Variants in LIMD1 observed in about 807,000 individuals in gnomAD.
LIMD1 encodes the protein LIM domain-containing protein 1.
In LIMD1, 23 loss-of-function variants were observed where a neutral mutation model predicts 58.4. The ratio of observed to expected loss-of-function variants is 0.39; its 90% CI spans 0.28 to 0.56. The LOEUF (loss-of-function observed/expected upper bound fraction) is 0.56. Among genes scored for constraint, LIMD1 ranks in the 20% least tolerant of loss-of-function variants. The pLI, the probability that LIMD1 is intolerant of heterozygous loss-of-function variation, is 0.57. For synonymous variants in LIMD1, 334 were observed against 345.5 expected, an observed-to-expected ratio of 0.97 and a Z score of 0.37; for missense variants, 838 against 855.5, an observed-to-expected ratio of 0.98 and a Z score of 0.25.
intron 2 of LIMD1, among the ~76,000 whole-genome samples, chr3:45,664,777 CAAT>C (rs1339596709): frequency 6.6e-6 from 1 of 152,218 alleles, no homozygotes; most frequent in East Asian, 1.9e-4. Context: ...CTGTTTGTGA[CAAT>C]GATGATTTTA....
chr3:45,605,124 T>C lies in LIMD1; in HGVS notation c.1408+8837T>C, dbSNP rs12632636. ...GGGTGTGATGTTGGGCAAGTCCCTC[T>C]AGCTCTATTGAGCCAAGATGACCTC... On this transcript the variant is annotated intron_variant, in intron 1 of 7. Coordinates refer to ENST00000273317, the MANE Select transcript of LIMD1 (RefSeq NM_014240.3). 9.2e-5 allele frequency among the ~76,000 whole-genome samples: 14 copies of C among 152,370 alleles called. No individual in the cohort carries two copies. The East Asian group carries it at 1.7e-3, about 19-fold the overall frequency.
rs1282657966 is a variant in LIMD1, at chr3:45,668,290, G to T, written c.1579-4G>T. 5.0e-6 allele frequency: 8 copies of T among 1,610,932 alleles called. No homozygotes were observed. Among genetic ancestry groups the T allele is most frequent in the Non-Finnish European group, 5.9e-6 (7 of 1,178,320 alleles). On this transcript the variant is annotated splice_region_variant and splice_polypyrimidine_tract_variant and intron_variant, in intron 3 of 7. Transcript: ENST00000273317. ...TTTAACTTTCTTTTCTTTTTCTTCTGCAGTACTCTGGTTTCCAGCAGTCGG... is the reference window on the plus strand; with the variant it reads ...TTTAACTTTCTTTTCTTTTTCTTCTTCAGTACTCTGGTTTCCAGCAGTCGG...
chr3:45,628,723 A>G (rs981244594), intron 1 of LIMD1, among the ~76,000 whole-genome samples: 1 of 152,256 alleles, frequency 6.6e-6, no homozygotes, highest in Non-Finnish European at 1.5e-5. Context: ...TCTTGATGGC[A>G]TCTTTATTTG....
chr3:45,643,643 C>T (rs1270975860), intron 2 of LIMD1, among the ~76,000 whole-genome samples: 1 of 152,150 alleles, frequency 6.6e-6, no homozygotes, highest in Non-Finnish European at 1.5e-5. Flanking sequence ...ATTAGTTTTT[C>T]GGTGATATGA....
rs1167737515 is a variant in LIMD1 at position 45,595,370 on chromosome 3, A to C, written c.491A>C (p.Gln164Pro). 6.2e-7 allele frequency: 1 copy of C among 1,613,788 alleles called. No homozygotes were observed. The highest frequency in any genetic ancestry group is 8.5e-7 in the Non-Finnish European group (1 of 1,180,044). ...LATSEMSAFH[Q>P]PGPCEDPSCL... ...ACTTCTGAGATGTCTGCTTTCCACC[A>C]GCCAGGCCCCTGTGAGGATCCTTCC... Residue 164 changes from glutamine (Q) to proline (P), a missense_variant, in exon 1 of 8, where the codon CAG (glutamine) becomes CCG (proline). Around this residue, in one of 3 missense-constraint regions of LIMD1, gnomAD observed 659 missense variants for 639.8 expected, o/e 1.03. Transcript: ENST00000273317.
At chr3:45,596,502 G>T (rs1257381085) in intron 1 of LIMD1, among the ~76,000 whole-genome samples, 2 of 152,144 alleles carry the variant, frequency 1.3e-5, no homozygotes, top group African/African-American at 4.8e-5. Flanking sequence ...TTGCAGCTGG[G>T]GTTACCCATG....
intron 1 of LIMD1, among the ~76,000 whole-genome samples, chr3:45,600,044 G>C (rs113547021): frequency 0.012 from 1,845 of 152,302 alleles, 31 homozygotes; most frequent in African/African-American, 0.042. Context: ...CAGCTGAGGG[G>C]CTCCCTCCCA....
chr3:45,614,418 A>G (rs1701557611), intron 1 of LIMD1, among the ~76,000 whole-genome samples: 1 of 151,168 alleles, frequency 6.6e-6, no homozygotes, highest in African/African-American at 2.4e-5. Context: ...TTAAAAAAAA[A>G]AAAAAAAAAG....
intron 4 of LIMD1, among the ~76,000 whole-genome samples, chr3:45,671,358 G>A (rs1448811440): frequency 6.6e-6 from 1 of 152,236 alleles, no homozygotes; most frequent in Non-Finnish European, 1.5e-5. Context: ...GGGTCTCACA[G>A]TGTACTGACA....
rs1559528664 is a variant in LIMD1, at chr3:45,681,253, C to T, written c.*4194C>T. 6.6e-6 allele frequency: 1 copy of T among 152,132 alleles called. No homozygotes were observed. Among genetic ancestry groups the T allele is most frequent in the Non-Finnish European group, 1.5e-5 (1 of 68,016 alleles). 9.4% of individuals were successfully genotyped at this position (152,132 alleles called of 1,614,324 possible). ...CAATTTGTTGACTATTAAAGTGCTCCTTGAACATTATATTTCCTGGGTCTT... is the reference window on the plus strand; with the variant it reads ...CAATTTGTTGACTATTAAAGTGCTCTTTGAACATTATATTTCCTGGGTCTT... On this transcript the variant is annotated 3_prime_UTR_variant, in exon 8 of 8. Coordinates refer to ENST00000273317, the MANE Select transcript of LIMD1 (RefSeq NM_014240.3).
intron 2 of LIMD1, among the ~76,000 whole-genome samples, chr3:45,660,104 C>G (rs1559524482): frequency 6.6e-6 from 1 of 152,182 alleles, no homozygotes; most frequent in Non-Finnish European, 1.5e-5. Flanking sequence ...TTAGAACTTG[C>G]TAACCCCATT....
chr3:45,665,784 G>A (rs575207799), intron 3 of LIMD1, 67 bp downstream of exon 3: 8 of 1,361,900 alleles, frequency 5.9e-6, no homozygotes, highest in Non-Finnish European at 8.3e-6. Flanking sequence ...GGCCTGGGGG[G>A]ACCTGGGCCA....
At chr3:45,607,021 T>A (rs1188205010) in intron 1 of LIMD1, among the ~76,000 whole-genome samples, 2 of 152,176 alleles carry the variant, frequency 1.3e-5, no homozygotes, top group South Asian at 4.1e-4. Flanking sequence ...CTCGAACTCC[T>A]GACCTCAAGT....
chr3:45,607,985 A>C (rs1192020256), intron 1 of LIMD1, among the ~76,000 whole-genome samples: 1 of 152,186 alleles, frequency 6.6e-6, no homozygotes, highest in Admixed American at 6.5e-5. Flanking sequence ...CCCTCCTGCT[A>C]CCTCAGTTTG....
intron 7 of LIMD1, among the ~76,000 whole-genome samples, chr3:45,676,246 G>GA (rs964955239): frequency 7.1e-5 from 10 of 141,562 alleles, no homozygotes; most frequent in Admixed American, 3.5e-4. Flanking sequence ...TCTCAAAAAA[G>GA]AAAAAAAAAT....
chr3:45,609,002 C>A (rs1383254243), intron 1 of LIMD1, among the ~76,000 whole-genome samples: 1 of 152,108 alleles, frequency 6.6e-6, no homozygotes, highest in Admixed American at 6.5e-5. Context: ...ATTACCCAAT[C>A]AGAATAAAAA....
intron 2 of LIMD1, among the ~76,000 whole-genome samples, chr3:45,638,553 G>T (rs1701811429): frequency 1.3e-5 from 2 of 152,192 alleles, no homozygotes; most frequent in Admixed American, 6.5e-5. Flanking sequence ...AGTTACTGCT[G>T]ATGGGCACCT....
chr3:45,668,181 C>A, intron 3 of LIMD1, 113 bp from the exon 4 acceptor site: 1 of 775,618 alleles, frequency 1.3e-6, no homozygotes, highest in Non-Finnish European at 2.1e-6. Flanking sequence ...CAGAATTCTG[C>A]ACAGAGTGAC....
In LIMD1 at chr3:45,681,952, G is replaced by A. The variant is rs1215483280; in HGVS notation, c.*4893G>A. On this transcript the variant is annotated 3_prime_UTR_variant, in exon 8 of 8. Coordinates refer to ENST00000273317, the MANE Select transcript of LIMD1 (RefSeq NM_014240.3). ...GTTATGACCAAAGAATCCTCAAGGC[G>A]AGTGATCCTTCAGGTTTGAGACAGC... 1 of 152,156 alleles carries A rather than the reference G, an allele frequency of 6.6e-6. No individual in the cohort carries two copies. The highest frequency in any genetic ancestry group is 1.9e-4 in the East Asian group (1 of 5,180). 9.4% of individuals were successfully genotyped at this position (152,156 alleles called of 1,614,324 possible).
Sources: gnomAD v4.1 joint callset for allele counts (sites outside exome capture counted in the v4.1 genomes callset) on GRCh38, gnomAD v4.1.1 for gene constraint, gnomAD v4.1.1 regional missense constraint, MANE v1.5 for transcripts, NCBI Gene and HGNC (gene_info 2026-07-23, HGNC 2026-07-21) for gene names.